Variants in FRMPD4 observed in about 807,000 individuals in gnomAD.
FRMPD4 encodes FERM and PDZ domain containing 4.
A neutral mutation model predicts 94.1 loss-of-function variants in FRMPD4; 22 were observed. The ratio of observed to expected loss-of-function variants is 0.23; its 90% CI spans 0.17 to 0.33. The LOEUF (loss-of-function observed/expected upper bound fraction) is 0.33, where lower values mean the gene tolerates loss of function less well. FRMPD4 is among the 10% of genes least tolerant of loss of function. FRMPD4 has a pLI of 1.00. For missense variants in FRMPD4, 1,111 were observed against 1,339.9 expected, an observed-to-expected ratio of 0.83 and a Z score of 2.67; for synonymous variants, 631 against 548.6, an observed-to-expected ratio of 1.15 and a Z score of -2.10.
chrX:12,194,331 A>AT (rs1272621876), intron 1 of FRMPD4, among the ~76,000 whole-genome samples: 1 of 110,437 alleles, frequency 9.1e-6, no homozygotes, highest in Admixed American at 9.6e-5. Context: ...TGGATTCCTG[A>AT]TTAGGGGGCT....
intron 1 of FRMPD4, among the ~76,000 whole-genome samples, chrX:12,477,461 A>G (rs1465401306): frequency 8.9e-6 from 1 of 112,508 alleles, no homozygotes; most frequent in African/African-American, 3.2e-5. Flanking sequence ...TAATAATAGT[A>G]ATAAAAAAAG....
chrX:12,020,302 T>C (rs1569143824), intron 3 of FRMPD4, among the ~76,000 whole-genome samples: 1 of 112,610 alleles, frequency 8.9e-6, no homozygotes, highest in Admixed American at 9.4e-5. Context: ...CAGTAATATA[T>C]GGATTAACCC....
intron 3 of FRMPD4, among the ~76,000 whole-genome samples, chrX:11,927,832 G>A (rs1231475287): frequency 8.9e-6 from 1 of 111,748 alleles, no homozygotes; most frequent in Non-Finnish European, 1.9e-5. Context: ...GAGGACATAG[G>A]CACAGGTACA....
intron 1 of FRMPD4, among the ~76,000 whole-genome samples, chrX:12,367,860 T>C (rs2056107575): frequency 8.9e-6 from 1 of 111,870 alleles, no homozygotes; most frequent in East Asian, 2.8e-4. Context: ...TGTACTTTCA[T>C]CTTCATGTAA....
chrX:11,826,443 C>T (rs942178340), intron 1 of FRMPD4, among the ~76,000 whole-genome samples: 5 of 111,152 alleles, frequency 4.5e-5, no homozygotes, highest in African/African-American at 6.5e-5. Flanking sequence ...TAGGAGGGGG[C>T]GAAAAGACAT....
intron 3 of FRMPD4, among the ~76,000 whole-genome samples, chrX:11,948,363 A>G (rs2054201914): frequency 9.0e-6 from 1 of 110,967 alleles, no homozygotes; most frequent in South Asian, 3.8e-4. Context: ...CCCTAGGGAG[A>G]TCTTTTGCTC....
At chrX:11,884,336 G>A (rs754931627) in intron 3 of FRMPD4, among the ~76,000 whole-genome samples, 3 of 111,847 alleles carry the variant, frequency 2.7e-5, no homozygotes, top group African/African-American at 9.7e-5. Context: ...TAATTGAGGG[G>A]ATAGACGTCT....
intron 1 of FRMPD4, among the ~76,000 whole-genome samples, chrX:12,414,910 C>T (rs778981967): frequency 1.8e-5 from 2 of 112,124 alleles, no homozygotes; most frequent in South Asian, 7.5e-4. Context: ...GTGATCACTA[C>T]ACTGCATTGA....
chrX:12,093,479 C>T (rs962684107), intron 3 of FRMPD4, among the ~76,000 whole-genome samples: 2 of 109,865 alleles, frequency 1.8e-5, no homozygotes, highest in African/African-American at 3.3e-5. Flanking sequence ...CCATCTCATC[C>T]TGTTCTCTCA....
At chrX:12,036,101 G>A (rs1791557804) in intron 3 of FRMPD4, among the ~76,000 whole-genome samples, 1 of 111,824 alleles carries the variant, frequency 8.9e-6, no homozygotes, top group Non-Finnish European at 1.9e-5. Flanking sequence ...ATGGAAAGAT[G>A]GAAAGATCTG....
intron 1 of FRMPD4, among the ~76,000 whole-genome samples, chrX:12,317,585 C>CAAAAAAAAAAAAAAAAAAAAAAAAA (rs376884335): frequency 4.7e-5 from 2 of 42,427 alleles, no homozygotes; most frequent in African/African-American, 8.3e-5. Context: ...AACTAAATAG[C>CAAAAAAAAAAAAAAAAAAAAAAAAA]AAAAAAAAAA....
chrX:11,905,169 G>A (rs1348548507), intron 3 of FRMPD4, among the ~76,000 whole-genome samples: 1 of 112,153 alleles, frequency 8.9e-6, no homozygotes, highest in African/African-American at 3.2e-5. Flanking sequence ...AGACTGCTGG[G>A]GGAACATCCA....
rs766822169 is a variant in FRMPD4 at position 12,497,390 on chromosome X, G to C, written c.42-1290G>C. 3.7e-5 allele frequency among the ~76,000 whole-genome samples: 4 copies of C among 108,887 alleles called. No homozygotes were observed. In the South Asian group the frequency reaches 1.6e-3, roughly 44 times the overall value. The allele number at this position is 108,887 out of a possible 115,157, so 94.6% of individuals were successfully genotyped here. ...AATTGGTGGGTTTTTTTGGTTTTGC[G>C]TGTGGTTTTTTTGTTGTTGTTGTTT... On this transcript the variant is annotated intron_variant, in intron 1 of 16. Transcript: ENST00000675598.
At chrX:11,943,576 T>C (rs1184748477) in intron 3 of FRMPD4, among the ~76,000 whole-genome samples, 1 of 110,481 alleles carries the variant, frequency 9.1e-6, no homozygotes, top group Non-Finnish European at 1.9e-5. Flanking sequence ...ACCCACTCTC[T>C]GGATAACTGA....
At chrX:12,037,430 C>T (rs2054726353) in intron 3 of FRMPD4, among the ~76,000 whole-genome samples, 1 of 111,353 alleles carries the variant, frequency 9.0e-6, no homozygotes, top group East Asian at 2.8e-4. Context: ...CACCCTTGGC[C>T]CTTGATCTGA....
At chrX:12,450,211 T>C (rs2057249016) in intron 1 of FRMPD4, among the ~76,000 whole-genome samples, 1 of 110,997 alleles carries the variant, frequency 9.0e-6, no homozygotes, top group South Asian at 3.8e-4. Context: ...CTGTTTGGGT[T>C]AGGTTCTATG....
At chrX:12,525,142 G>A (rs1248669859) in intron 2 of FRMPD4, among the ~76,000 whole-genome samples, 1 of 110,534 alleles carries the variant, frequency 9.0e-6, no homozygotes, top group Non-Finnish European at 1.9e-5. Context: ...TTTCTTAAAG[G>A]AAAATGCCTT....
chrX:12,324,791 C>G (rs1458384198), intron 1 of FRMPD4, among the ~76,000 whole-genome samples: 2 of 106,924 alleles, frequency 1.9e-5, no homozygotes, highest in African/African-American at 6.8e-5. Flanking sequence ...ATTACTATTA[C>G]TAATATATTT....
chrX:12,231,012 A>ATGTGTATG, intron 1 of FRMPD4, among the ~76,000 whole-genome samples: 1 of 55,696 alleles, frequency 1.8e-5, no homozygotes, highest in South Asian at 8.7e-4. Flanking sequence ...AATATATAGT[A>ATGTGTATG]TATATAGTAT....
Sources: allele counts gnomAD v4.1 joint callset (sites outside exome capture counted in the v4.1 genomes callset), GRCh38; gene constraint gnomAD v4.1.1; transcripts MANE v1.5; gene names NCBI Gene and HGNC (gene_info 2026-07-23, HGNC 2026-07-21).